The following LPA variants were observed in gnomAD, a reference collection of about 807,000 sequenced individuals.
LPA encodes the protein lipoprotein(a), also known as apolipoprotein(a).
In LPA, 199 loss-of-function variants were observed where a neutral mutation model predicts 197.9. The observed-to-expected ratio is 1.01, with a 90% CI of 0.90 to 1.13. The LOEUF (loss-of-function observed/expected upper bound fraction) is 1.13. LPA is among the 50% of genes most tolerant of loss of function. The pLI, the probability that LPA is intolerant of heterozygous loss-of-function variation, is 0.00. For missense variants in LPA, 1,853 were observed against 1,785.8 expected, an observed-to-expected ratio of 1.04 and a Z score of -0.68; for synonymous variants, 715 against 639.5, an observed-to-expected ratio of 1.12 and a Z score of -1.78.
chr6:160,663,719 C>T (rs1007955842), intron 1 of LPA, among the ~76,000 whole-genome samples: 1 of 152,154 alleles, frequency 6.6e-6, no homozygotes, highest in Non-Finnish European at 1.5e-5. Flanking sequence ...ATGCTGAGTC[C>T]CACTCCATGA....
At chr6:160,609,842 G>C (rs1243007814) in intron 16 of LPA, among the ~76,000 whole-genome samples, 1 of 151,924 alleles carries the variant, frequency 6.6e-6, no homozygotes, top group Non-Finnish European at 1.5e-5. Flanking sequence ...GAATGTGTGT[G>C]TGTGTGGCTC....
chr6:160,660,506 T>TA (rs145511040), intron 1 of LPA, among the ~76,000 whole-genome samples: 2,600 of 152,054 alleles, frequency 0.017, 70 homozygotes, highest in African/African-American at 0.059. Context: ...CATGTCATGA[T>TA]AAAAAAAATA....
chr6:160,554,534 A>T (rs1462669261), intron 30 of LPA, among the ~76,000 whole-genome samples: 1 of 152,136 alleles, frequency 6.6e-6, no homozygotes. Flanking sequence ...CTACTCCTAA[A>T]GTATGACTTT....
intron 28 of LPA, among the ~76,000 whole-genome samples, chr6:160,564,043 T>TG (rs1173965496): frequency 1.3e-5 from 2 of 152,254 alleles, no homozygotes; most frequent in East Asian, 3.8e-4. Flanking sequence ...GTCTTTTAAT[T>TG]GGGGCATTTA....
Position 160,533,532 on chromosome 6 carries a change from A to G in LPA, c.5843-883T>C, listed in dbSNP as rs532610037. Among the ~76,000 whole-genome samples the G allele has an allele frequency of 2.2e-4, 34 of 152,190 alleles. No individual in the cohort carries two copies. The South Asian group carries it at 7.1e-3, about 32-fold the overall frequency. On this transcript the variant is annotated intron_variant, in intron 37 of 38. Transcript: ENST00000316300. ...CCCACTCTTGCTTCCAACCTTCCAC[A>G]TGTTTGTTCATAAATTTCATTCTTA...
At position 160,605,071 on chromosome 6, in the gene LPA, G is replaced by A. The variant is rs189364869; in HGVS notation, c.2920C>T (p.Arg974Trp). 212 of 1,613,810 alleles carry A rather than the reference G, an allele frequency of 1.3e-4. No homozygotes were observed. The African/African-American group carries it at 2.4e-3, about 18-fold the overall frequency. The change falls in exon 18 of 39, where the codon CGG becomes TGG. Residue 974 changes from arginine to tryptophan, a missense_variant. By Grantham distance (101) the Arg-to-Trp change is moderately radical (BLOSUM62 -3). This residue lies in a region of LPA where 1,737 missense variants were observed against 1,504.4 expected (regional missense o/e 1.15). Transcript: ENST00000316300. ...WSSMTPHSHS[R>W]TPAYYPNAGL... is the part of the protein sequence containing the mutation. ...GCATTTGGGTAGTATGCTGGGGTCC[G>A]ACTATGCGAGTGTGGTGTCATAGAT...
In LPA at chr6:160,548,652, T is replaced by C; in HGVS notation, c.4981A>G (p.Thr1661Ala). 6.2e-7 allele frequency: 1 copy of C among 1,614,036 alleles called. No individual in the cohort carries two copies. Among genetic ancestry groups the C allele is most frequent in the Non-Finnish European group, 8.5e-7 (1 of 1,179,960 alleles). The change falls in exon 31 of 39, where the codon ACA becomes GCA. Residue 1661 changes from threonine to alanine, a missense_variant. Coordinates refer to ENST00000316300, the MANE Select transcript of LPA (RefSeq NM_005577.4). ...TPENYPNDGL[T>A]MNYCRNPDAD... ...TCTGGATTCCTGCAGTAGTTCATTG[T>C]CAGGCCACTGGAAATTCCAAAGCAA... is the stretch of plus-strand genomic sequence containing the variant.
chr6:160,589,345 C>T (rs774002827), intron 24 of LPA, among the ~76,000 whole-genome samples: 3 of 152,218 alleles, frequency 2.0e-5, no homozygotes, highest in Non-Finnish European at 4.4e-5. Context: ...AAGTATCCTC[C>T]TACTTCTATC....
rs145425237 is a variant in LPA, at chr6:160,590,929, C to A, written c.3787+15G>T. ...AACGTCCAAGGGTGTGGTTGTCTGGCCAGAGACTTCTTACCTTGTTCAGAA... is the reference window on the plus strand; with the variant it reads ...AACGTCCAAGGGTGTGGTTGTCTGGACAGAGACTTCTTACCTTGTTCAGAA... On this transcript the variant is annotated intron_variant, in intron 23 of 38. Coordinates refer to ENST00000316300, the MANE Select transcript of LPA (RefSeq NM_005577.4). 10 of 1,613,844 alleles carry A rather than the reference C, an allele frequency of 6.2e-6. No homozygotes were observed. Among genetic ancestry groups the A allele is most frequent in the Non-Finnish European group, 8.5e-6 (10 of 1,179,828 alleles).
At chr6:160,663,791 G>A (rs1179151182) in intron 1 of LPA, among the ~76,000 whole-genome samples, 1 of 152,144 alleles carries the variant, frequency 6.6e-6, no homozygotes, top group African/African-American at 2.4e-5. Context: ...GCTAGTGAGG[G>A]GAGCATGGCA....
intron 30 of LPA, among the ~76,000 whole-genome samples, chr6:160,549,867 C>T (rs926612630): frequency 6.6e-6 from 1 of 152,166 alleles, no homozygotes; most frequent in Non-Finnish European, 1.5e-5. Context: ...AGAGGGCTGG[C>T]TAGACTATGG....
intron 1 of LPA, among the ~76,000 whole-genome samples, chr6:160,652,426 C>T (rs1268062392): frequency 6.6e-6 from 1 of 151,996 alleles, no homozygotes; most frequent in African/African-American, 2.4e-5. Context: ...AACTCTCAAC[C>T]CAGTATCTAT....
Position 160,542,697 on chromosome 6 carries a change from A to T in LPA, c.5510T>A (p.Leu1837His), listed in dbSNP as rs1471744850. 6.2e-7 allele frequency: 1 copy of T among 1,613,616 alleles called. No individual in the cohort carries two copies. Among genetic ancestry groups the T allele is most frequent in the South Asian group, 1.1e-5 (1 of 91,050 alleles). ...CTGGGCCTGTTCTTACCTTGTTCTGAGACTGACTTGCCAGGGCCAGGAATG... is the reference window on the plus strand; with the variant it reads ...CTGGGCCTGTTCTTACCTTGTTCTGTGACTGACTTGCCAGGGCCAGGAATG... ...HPHSWPWQVS[L>H]RTRFGKHFCG... is the part of the protein sequence containing the mutation. The change falls in exon 34 of 39, where the codon CTC becomes CAC. Residue 1837 changes from leucine (L) to histidine (H), a missense_variant. Leu to His is a moderately conservative substitution (Grantham distance 99, BLOSUM62 -3). Transcript: ENST00000316300.
chr6:160,606,367 T>A (rs1057495345), intron 17 of LPA, 110 bp downstream of exon 17: 37 of 1,473,404 alleles, frequency 2.5e-5, no homozygotes, highest in Non-Finnish European at 3.5e-5. Flanking sequence ...CAGAACTCAG[T>A]CAACACTCGA....
intron 37 of LPA, among the ~76,000 whole-genome samples, chr6:160,537,088 T>A (rs988721141): frequency 5.3e-5 from 8 of 152,172 alleles, no homozygotes; most frequent in African/African-American, 1.9e-4. Flanking sequence ...CCTGCACCTC[T>A]GAGAAAGTAG....
At chr6:160,586,781 T>A (rs1778920578) in intron 24 of LPA, 151 bp from the exon 25 acceptor site, 2 of 1,029,100 alleles carry the variant, frequency 1.9e-6, no homozygotes, top group Non-Finnish European at 1.5e-6. Context: ...GGTCCTCAAC[T>A]TCTAAACAAC....
At chr6:160,586,663 G>A in intron 24 of LPA, 33 bp from the exon 25 acceptor site, 1 of 1,613,052 alleles carries the variant, frequency 6.2e-7, no homozygotes, top group Non-Finnish European at 8.5e-7. Flanking sequence ...GGTCACCAGA[G>A]ATTGGAGAAG....
At chr6:160,606,325 C>T (rs1582881046) in intron 17 of LPA, 152 bp downstream of exon 17, 2 of 1,196,490 alleles carry the variant, frequency 1.7e-6, no homozygotes, top group African/African-American at 1.5e-5. Context: ...CTGGCTCCCC[C>T]AGAGAGTGCA....
intron 32 of LPA, among the ~76,000 whole-genome samples, chr6:160,546,540 G>A (rs1012123707): frequency 2.0e-5 from 3 of 152,132 alleles, no homozygotes; most frequent in Admixed American, 6.5e-5. Flanking sequence ...ACCCATGGAG[G>A]GTCATATAGA....
Sources: allele counts gnomAD v4.1 joint callset (sites outside exome capture counted in the v4.1 genomes callset), GRCh38; gene constraint gnomAD v4.1.1; regional missense constraint gnomAD v4.1.1; transcripts MANE v1.5; gene names NCBI Gene and HGNC (gene_info 2026-07-23, HGNC 2026-07-21).